The following KLHL1 variants were observed in gnomAD, a reference collection of about 807,000 sequenced individuals.
KLHL1 encodes kelch like family member 1, also known as kelch-like protein 1.
A neutral mutation model predicts 77.7 loss-of-function variants in KLHL1; 47 were observed. The ratio of observed to expected loss-of-function variants is 0.60; its 90% CI spans 0.48 to 0.77. The LOEUF is 0.77. Among genes scored for constraint, KLHL1 ranks in the 30% least tolerant of loss-of-function variants. The pLI is 0.00. For synonymous variants in KLHL1, 360 were observed against 325.2 expected, an observed-to-expected ratio of 1.11 and a Z score of -1.15; for missense variants, 925 against 910.8, an observed-to-expected ratio of 1.02 and a Z score of -0.20.
At chr13:69,763,233 A>ACAATC (rs1473408347) in intron 7 of KLHL1, among the ~76,000 whole-genome samples, 1 of 152,174 alleles carries the variant, frequency 6.6e-6, no homozygotes, top group Admixed American at 6.5e-5. Flanking sequence ...TGAATAGAAA[A>ACAATC]CAATCTGTGC....
In KLHL1 at chr13:69,960,692, A is replaced by G. The variant is rs563772575; in HGVS notation, c.817+616T>C. Among the ~76,000 whole-genome samples, 13 of 92,420 alleles carry G rather than the reference A, an allele frequency of 1.4e-4. No homozygotes were observed. In the South Asian group the frequency reaches 4.9e-3, roughly 35 times the overall value. 60.6% of individuals were successfully genotyped at this position (92,420 alleles called of 152,430 possible). A position where few individuals can be genotyped will look rare whatever the true frequency, so the allele number is the denominator to read the frequency against. ...CTCTACAAATACAATTAATACTACAATTAATACTTGTATATTGAGTAACAT... is the reference window on the plus strand; with the variant it reads ...CTCTACAAATACAATTAATACTACAGTTAATACTTGTATATTGAGTAACAT... On this transcript the variant is annotated intron_variant, in intron 3 of 10. Coordinates refer to ENST00000377844, the MANE Select transcript of KLHL1 (RefSeq NM_020866.3).
At chr13:69,760,684 C>T (rs1230420331) in intron 7 of KLHL1, among the ~76,000 whole-genome samples, 1 of 152,060 alleles carries the variant, frequency 6.6e-6, no homozygotes, top group Non-Finnish European at 1.5e-5. Flanking sequence ...ATCAATTAGT[C>T]ACTTAAGCAG....
intron 1 of KLHL1, among the ~76,000 whole-genome samples, chr13:70,032,698 CTAAG>C (rs1253283839): frequency 1.3e-5 from 2 of 151,994 alleles, no homozygotes; most frequent in African/African-American, 4.8e-5. Context: ...GAAATAATCC[CTAAG>C]TATTATTCTA....
chr13:70,068,209 C>T (rs962670940), intron 1 of KLHL1, among the ~76,000 whole-genome samples: 6 of 151,854 alleles, frequency 4.0e-5, no homozygotes, highest in African/African-American at 7.3e-5. Flanking sequence ...GGCGTGGTGG[C>T]GGGCGCCTGT....
intron 4 of KLHL1, among the ~76,000 whole-genome samples, chr13:69,905,756 G>A (rs1882026986): frequency 6.6e-6 from 1 of 151,986 alleles, no homozygotes; most frequent in Non-Finnish European, 1.5e-5. Context: ...AAGGTTTGCT[G>A]CTTTGAATAG....
chr13:70,077,746 CT>C (rs1178770401), intron 1 of KLHL1, among the ~76,000 whole-genome samples: 2 of 151,900 alleles, frequency 1.3e-5, no homozygotes, highest in Non-Finnish European at 2.9e-5. Context: ...AATCTAACTG[CT>C]TTTAAAAATG....
chr13:70,102,016 T>C (rs569395094), intron 1 of KLHL1, among the ~76,000 whole-genome samples: 1 of 151,988 alleles, frequency 6.6e-6, no homozygotes, highest in South Asian at 2.1e-4. Context: ...ACTCTAAAAT[T>C]TGGGGTGGTA....
At chr13:69,772,743 C>T (rs1371968635) in intron 7 of KLHL1, among the ~76,000 whole-genome samples, 1 of 152,112 alleles carries the variant, frequency 6.6e-6, no homozygotes, top group Non-Finnish European at 1.5e-5. Context: ...TTAGTTGTTT[C>T]TGGATGAACA....
At chr13:69,746,521 GTTAT>G (rs1332395954) in intron 7 of KLHL1, among the ~76,000 whole-genome samples, 1 of 151,802 alleles carries the variant, frequency 6.6e-6, no homozygotes, top group East Asian at 1.9e-4. Flanking sequence ...TTTGACTTTG[GTTAT>G]TTAATCTATT....
chr13:70,072,841 T>C (rs953024399), intron 1 of KLHL1, among the ~76,000 whole-genome samples: 1 of 152,098 alleles, frequency 6.6e-6, no homozygotes, highest in African/African-American at 2.4e-5. Flanking sequence ...ACACCTAGGA[T>C]CATACTAATG....
chr13:69,703,890 C>T (rs1223653905), intron 10 of KLHL1, among the ~76,000 whole-genome samples: 3 of 151,670 alleles, frequency 2.0e-5, no homozygotes, highest in South Asian at 2.1e-4. Context: ...CTTTGTAATA[C>T]GTGCACAATG....
At chr13:69,962,996 G>T (rs1486654786) in intron 2 of KLHL1, among the ~76,000 whole-genome samples, 1 of 151,924 alleles carries the variant, frequency 6.6e-6, no homozygotes, top group Non-Finnish European at 1.5e-5. Flanking sequence ...ATTCACTTTT[G>T]CATCTTAAAT....
intron 5 of KLHL1, among the ~76,000 whole-genome samples, chr13:69,880,370 T>C (rs1375867110): frequency 1.3e-5 from 2 of 152,144 alleles, no homozygotes; most frequent in Non-Finnish European, 2.9e-5. Flanking sequence ...TCATTCCTCC[T>C]GCACATCTGT....
At chr13:70,025,788 G>A (rs1342114389) in intron 1 of KLHL1, among the ~76,000 whole-genome samples, 1 of 151,802 alleles carries the variant, frequency 6.6e-6, no homozygotes, top group Non-Finnish European at 1.5e-5. Context: ...AATTTTAAAA[G>A]CAATTCTGAG....
intron 1 of KLHL1, among the ~76,000 whole-genome samples, chr13:70,099,829 T>C (rs911595870): frequency 1.3e-5 from 2 of 152,020 alleles, no homozygotes; most frequent in East Asian, 3.9e-4. Context: ...AGTTGTTAAA[T>C]TTTTTATATG....
At chr13:69,771,750 T>G (rs1384400497) in intron 7 of KLHL1, among the ~76,000 whole-genome samples, 1 of 152,154 alleles carries the variant, frequency 6.6e-6, no homozygotes, top group Non-Finnish European at 1.5e-5. Flanking sequence ...TGTCTTATAT[T>G]TTAAAAATAA....
At chr13:70,056,155 C>T (rs559162083) in intron 1 of KLHL1, among the ~76,000 whole-genome samples, 1 of 152,010 alleles carries the variant, frequency 6.6e-6, no homozygotes, top group South Asian at 2.1e-4. Flanking sequence ...AAAAAGATAT[C>T]CCATGGAAAT....
intron 1 of KLHL1, among the ~76,000 whole-genome samples, chr13:70,033,292 C>T (rs575952487): frequency 1.3e-3 from 195 of 151,550 alleles, no homozygotes; most frequent in African/African-American, 4.4e-3. Context: ...TGTTTTGTTT[C>T]GTTTTGTTTT....
intron 4 of KLHL1, among the ~76,000 whole-genome samples, chr13:69,887,872 T>A (rs1389039729): frequency 6.6e-6 from 1 of 152,180 alleles, no homozygotes; most frequent in Non-Finnish European, 1.5e-5. Context: ...ATTTCAAAAT[T>A]CCTCCAGCCA....
Sources: gnomAD v4.1 joint callset for allele counts (sites outside exome capture counted in the v4.1 genomes callset) on GRCh38, gnomAD v4.1.1 for gene constraint, MANE v1.5 for transcripts, NCBI Gene and HGNC (gene_info 2026-07-23, HGNC 2026-07-21) for gene names.